The following GRM3 variants were observed in gnomAD, a reference collection of about 807,000 sequenced individuals.
The protein encoded by GRM3 is glutamate metabotropic receptor 3, also known as metabotropic glutamate receptor 3.
In GRM3, 26 loss-of-function variants were observed where a neutral mutation model predicts 70.5. The observed-to-expected ratio is 0.37, with a 90% confidence interval of 0.27 to 0.51. The LOEUF (loss-of-function observed/expected upper bound fraction) is 0.51, where lower values mean the gene tolerates loss of function less well. Among genes scored for constraint, GRM3 ranks in the 20% least tolerant of loss-of-function variants. The probability of loss-of-function intolerance (pLI) is 0.93; values close to 1 mark genes in which losing one functional copy is unlikely to be tolerated. For missense variants in GRM3, 859 were observed against 1,123.8 expected (o/e 0.76, Z 3.37); for synonymous variants, 443 against 434.9 (o/e 1.02, Z -0.23).
At position 86,839,512 on chromosome 7, in the gene GRM3, T is replaced by C; in HGVS notation, c.1998T>C (p.Ile666=). ...YSALLTKTNC[I]ARIFDGVKNG... is the part of the protein sequence containing the mutation. ...CCCTGCTGACCAAGACAAACTGCAT[T>C]GCCCGCATCTTCGATGGGGTCAAGA... Residue 666 remains isoleucine, a synonymous_variant, in exon 4 of 6, where the codon ATT becomes ATC. Coordinates refer to ENST00000361669, the MANE Select transcript of GRM3 (RefSeq NM_000840.3). This position sits in a 1 kb window ranked among gnomAD's most constrained non-coding sequence, Gnocchi z 4.5. The C allele has an allele frequency of 6.2e-7, 1 of 1,608,194 alleles. No homozygotes were observed. The highest frequency in any genetic ancestry group is 8.5e-7 in the Non-Finnish European group (1 of 1,176,666).
chr7:86,841,976 A>G (rs572686005), intron 4 of GRM3, among the ~76,000 whole-genome samples: 2 of 152,324 alleles, frequency 1.3e-5, no homozygotes, highest in Admixed American at 1.3e-4. Context: ...TTAAAGTCTC[A>G]GAAATAATGC....
At chr7:86,767,518 T>TAC (rs1336654410) in intron 2 of GRM3, among the ~76,000 whole-genome samples, 7 of 4,060 alleles carry the variant, frequency 1.7e-3, no homozygotes, top group African/African-American at 7.7e-3. Flanking sequence ...ATACTTCATA[T>TAC]ATATATATAT....
chr7:86,786,619 T>A lies in GRM3; in HGVS notation c.827T>A (p.Met276Lys), dbSNP rs1449464445. ...AACGCGCGCGTCGTGGTCCTCTTCA[T>A]GCGCAGCGACGACTCGCGGGAGCTC... is the stretch of plus-strand genomic sequence containing the variant. ...KPNARVVVLF[M>K]RSDDSRELIA... is the part of the protein sequence containing the mutation. Residue 276 changes from methionine to lysine, a missense_variant, in exon 3 of 6, where the codon ATG becomes AAG. Transcript: ENST00000361669. This position sits in a 1 kb window ranked among gnomAD's most constrained non-coding sequence, Gnocchi z 6.0. 2 of 1,612,940 alleles carry A rather than the reference T, an allele frequency of 1.2e-6. No homozygotes were observed.
intron 1 of GRM3, among the ~76,000 whole-genome samples, chr7:86,694,308 G>A (rs563391577): frequency 2.0e-5 from 3 of 151,868 alleles, no homozygotes; most frequent in Admixed American, 6.6e-5. Flanking sequence ...GGCAGATCAC[G>A]AGGTCAGGAG....
At chr7:86,651,379 T>C (rs531805159) in intron 1 of GRM3, among the ~76,000 whole-genome samples, 2 of 152,296 alleles carry the variant, frequency 1.3e-5, no homozygotes, top group East Asian at 3.9e-4. Flanking sequence ...GATAGATTAT[T>C]AGTAATATTT....
chr7:86,819,152 A>C (rs1798070980), intron 3 of GRM3, among the ~76,000 whole-genome samples: 1 of 152,094 alleles, frequency 6.6e-6, no homozygotes, highest in Non-Finnish European at 1.5e-5. Context: ...GAGATGCTTG[A>C]AGCCATTTGC....
intron 1 of GRM3, among the ~76,000 whole-genome samples, chr7:86,763,205 T>C (rs1251599543): frequency 6.6e-6 from 1 of 152,116 alleles, no homozygotes; most frequent in African/African-American, 2.4e-5. Flanking sequence ...AGGAGGGCCC[T>C]TCCTTCATAA....
intron 1 of GRM3, among the ~76,000 whole-genome samples, chr7:86,722,703 A>G (rs1339406490): frequency 6.6e-6 from 1 of 152,096 alleles, no homozygotes; most frequent in Non-Finnish European, 1.5e-5. Flanking sequence ...CTGTACACCT[A>G]TGTAACCTGC....
intron 5 of GRM3, among the ~76,000 whole-genome samples, chr7:86,857,464 A>G (rs576342643): frequency 4.7e-4 from 72 of 152,322 alleles, no homozygotes; most frequent in Non-Finnish European, 8.4e-4. Flanking sequence ...TGTGGGCAAA[A>G]TATAAAAGAG....
intron 3 of GRM3, among the ~76,000 whole-genome samples, chr7:86,821,666 G>T (rs1415140264): frequency 6.6e-6 from 1 of 152,154 alleles, no homozygotes; most frequent in South Asian, 2.1e-4. Context: ...TCTAGACAGG[G>T]GACCCAGAGC....
chr7:86,864,308 G>A lies in GRM3; in HGVS notation c.2593G>A (p.Val865Met). Reference sequence around the variant, plus strand: ...CTCTGCAAGCACGTATGTGCCAACGGTGTGCAATGGGCGGGAAGTCCTCGA... The same window carrying A: ...CTCTGCAAGCACGTATGTGCCAACGATGTGCAATGGGCGGGAAGTCCTCGA... ...QSSASTYVPT[V>M]CNGREVLDST... The change falls in exon 6 of 6, where the codon GTG (valine) becomes ATG (methionine). Residue 865 changes from valine (V) to methionine (M), a missense_variant. Physicochemically the swap from Val to Met is conservative, Grantham distance 21. Coordinates refer to ENST00000361669, the MANE Select transcript of GRM3 (RefSeq NM_000840.3). The A allele has an allele frequency of 1.2e-6, 2 of 1,603,608 alleles. No individual in the cohort carries two copies. Among genetic ancestry groups the A allele is most frequent in the Non-Finnish European group, 1.7e-6 (2 of 1,170,590 alleles).
chr7:86,705,717 A>C (rs1011621608), intron 1 of GRM3, among the ~76,000 whole-genome samples: 1 of 152,224 alleles, frequency 6.6e-6, no homozygotes, highest in East Asian at 1.9e-4. Context: ...AACAAAAAAG[A>C]AACAGTTTAG....
intron 1 of GRM3, among the ~76,000 whole-genome samples, chr7:86,746,375 A>ATATATATATATATATATATATATAT (rs1562846667): frequency 2.2e-5 from 3 of 137,158 alleles, no homozygotes; most frequent in Non-Finnish European, 3.1e-5. Flanking sequence ...ATATATATAT[A>ATATATATATATATATATATATATAT]ATCACTTCAA....
Position 86,683,923 on chromosome 7 carries a change from C to G in GRM3, c.-141+39051C>G, listed in dbSNP as rs183208318. On this transcript the variant is annotated intron_variant, in intron 1 of 5. Coordinates refer to ENST00000361669, the MANE Select transcript of GRM3 (RefSeq NM_000840.3). ...GTATCCTACAAGTCATAAATGACCA[C>G]TTTCCCAGGACGGTTTTTTAATTAT... Among the ~76,000 whole-genome samples, 18 of 152,278 alleles carry G rather than the reference C, an allele frequency of 1.2e-4. No homozygotes were observed. In the East Asian group the frequency reaches 3.5e-3, roughly 29 times the overall value.
chr7:86,675,823 ATT>A, intron 1 of GRM3, among the ~76,000 whole-genome samples: 1 of 152,134 alleles, frequency 6.6e-6, no homozygotes, highest in South Asian at 2.1e-4. Flanking sequence ...ATGTCTCAGA[ATT>A]TTTTTCTCTG....
chr7:86,808,432 C>T (rs949921792), intron 3 of GRM3, among the ~76,000 whole-genome samples: 7 of 151,874 alleles, frequency 4.6e-5, no homozygotes, highest in African/African-American at 1.7e-4. Context: ...CAGCCTTAGA[C>T]TCTGGAAATT....
chr7:86,813,212 A>G (rs1199602758), intron 3 of GRM3, among the ~76,000 whole-genome samples: 1 of 151,832 alleles, frequency 6.6e-6, no homozygotes, highest in Non-Finnish European at 1.5e-5. Context: ...TTAACTAGAT[A>G]AAAGGTTCAT....
intron 1 of GRM3, among the ~76,000 whole-genome samples, chr7:86,680,038 C>G (rs902325541): frequency 2.6e-5 from 4 of 152,066 alleles, no homozygotes; most frequent in Admixed American, 6.6e-5. Context: ...TGAAATCAAG[C>G]GTGCAGAACA....
At chr7:86,752,675 A>G (rs1796257254) in intron 1 of GRM3, among the ~76,000 whole-genome samples, 1 of 152,100 alleles carries the variant, frequency 6.6e-6, no homozygotes, top group Non-Finnish European at 1.5e-5. Context: ...TTAAAGACTA[A>G]TAAGTGTTAT....
Sources: allele counts gnomAD v4.1 joint callset (sites outside exome capture counted in the v4.1 genomes callset), GRCh38; gene constraint gnomAD v4.1.1; non-coding constraint Gnocchi (gnomAD v3.1); transcripts MANE v1.5; gene names NCBI Gene and HGNC (gene_info 2026-07-23, HGNC 2026-07-21).